The following NIM1K variants were observed in gnomAD, a reference collection of about 807,000 sequenced individuals.
NIM1K encodes the protein serine/threonine-protein kinase NIM1.
Under a neutral mutation model 37.1 loss-of-function variants are expected in NIM1K, and 35 were observed. That is an observed-to-expected ratio of 0.94 (90% CI 0.72 to 1.25). The LOEUF is 1.25. Among genes scored for constraint, NIM1K ranks in the 50% most tolerant of loss-of-function variants. The probability of loss-of-function intolerance (pLI) is 0.00; values close to 1 mark genes in which losing one functional copy is unlikely to be tolerated. For synonymous variants in NIM1K, 234 were observed against 206.6 expected, an observed-to-expected ratio of 1.13 and a Z score of -1.14; for missense variants, 564 against 548.0, an observed-to-expected ratio of 1.03 and a Z score of -0.29.
intron 2 of NIM1K, among the ~76,000 whole-genome samples, chr5:43,260,613 A>G (rs1579985139): frequency 6.6e-6 from 1 of 151,822 alleles, no homozygotes; most frequent in African/African-American, 2.4e-5. Context: ...GAGAGCACAG[A>G]TTTTTTTATT....
chr5:43,228,975 T>C (rs1373331567), intron 1 of NIM1K, among the ~76,000 whole-genome samples: 1 of 152,232 alleles, frequency 6.6e-6, no homozygotes, highest in Non-Finnish European at 1.5e-5. Context: ...AAAATATAGA[T>C]GATACTGTTT....
intron 2 of NIM1K, among the ~76,000 whole-genome samples, chr5:43,261,660 T>C (rs1753032729): frequency 6.6e-6 from 1 of 152,074 alleles, no homozygotes. Flanking sequence ...TTGCTTTTGG[T>C]GTTTTAGACA....
intron 1 of NIM1K, among the ~76,000 whole-genome samples, chr5:43,237,668 A>G (rs1422286262): frequency 6.6e-6 from 1 of 152,194 alleles, no homozygotes; most frequent in Non-Finnish European, 1.5e-5. Context: ...CAGAACTCCT[A>G]TTTCTAGATT....
chr5:43,199,204 AATAT>A (rs1162677436), intron 1 of NIM1K, among the ~76,000 whole-genome samples: 13 of 94,044 alleles, frequency 1.4e-4, no homozygotes, highest in African/African-American at 4.7e-4. Context: ...AAAAAAAAAA[AATAT>A]ATATATATAT....
chr5:43,277,352 T>C (rs1753360680), intron 3 of NIM1K, 27 bp downstream of exon 3: 1 of 1,601,082 alleles, frequency 6.2e-7, no homozygotes, highest in African/African-American at 1.3e-5. Context: ...AGTGAGAACC[T>C]TGCTCCCATT....
chr5:43,267,169 C>A, intron 2 of NIM1K, among the ~76,000 whole-genome samples: 1 of 152,252 alleles, frequency 6.6e-6, no homozygotes, highest in African/African-American at 2.4e-5. Flanking sequence ...ATTTCTATTT[C>A]TTCCTGATTT....
At chr5:43,224,481 T>A (rs368163411) in intron 1 of NIM1K, among the ~76,000 whole-genome samples, 48 of 151,808 alleles carry the variant, frequency 3.2e-4, no homozygotes, top group Middle Eastern at 6.8e-3. Flanking sequence ...TGTGGAACTA[T>A]AAGGTCTGTT....
chr5:43,196,589 C>T (rs1359355142), intron 1 of NIM1K, among the ~76,000 whole-genome samples: 20 of 151,886 alleles, frequency 1.3e-4, no homozygotes. Flanking sequence ...GAGCCGAGAT[C>T]GCGCCACTGC....
At chr5:43,220,850 T>A (rs1752370852) in intron 1 of NIM1K, among the ~76,000 whole-genome samples, 1 of 152,190 alleles carries the variant, frequency 6.6e-6, no homozygotes, top group African/African-American at 2.4e-5. Context: ...TTAAGTGCTT[T>A]GAAGAAGCCG....
At chr5:43,213,817 A>G (rs991455742) in intron 1 of NIM1K, among the ~76,000 whole-genome samples, 2 of 150,286 alleles carry the variant, frequency 1.3e-5, no homozygotes, top group Non-Finnish European at 3.0e-5. Context: ...TCTAGAAGAG[A>G]TGGGTTTCAC....
At chr5:43,220,356 G>A (rs971537562) in intron 1 of NIM1K, among the ~76,000 whole-genome samples, 2 of 144,792 alleles carry the variant, frequency 1.4e-5, no homozygotes, top group Admixed American at 1.4e-4. Flanking sequence ...CACCATCTCA[G>A]CACACTGCAA....
rs1561074968 is a variant in NIM1K at position 43,213,253 on chromosome 5, G to GT, written c.-695+20844dup. ...TCTTTTCTTCCTTTCTTTCTTTCTT[G>GT]TTCTTTCTTGTTTCTTTTTCTTTCT... On this transcript the variant is annotated intron_variant, in intron 1 of 3. Coordinates refer to ENST00000326035, the MANE Select transcript of NIM1K (RefSeq NM_153361.4). 1.2e-4 allele frequency among the ~76,000 whole-genome samples: 17 copies of GT among 140,524 alleles called. 2 individuals are homozygous for GT. The highest frequency in any genetic ancestry group is 4.4e-4 in the African/African-American group (16 of 35,958). The allele number at this position is 140,524 out of a possible 152,430, so 92.2% of individuals were successfully genotyped here. A position where few individuals can be genotyped will look rare whatever the true frequency, so the allele number is the denominator to read the frequency against.
At chr5:43,258,757 T>C (rs116142545) in intron 2 of NIM1K, among the ~76,000 whole-genome samples, 355 of 152,254 alleles carry the variant, frequency 2.3e-3, no homozygotes, top group African/African-American at 8.3e-3. Context: ...TGCATTTTTA[T>C]TGGGGACATT....
chr5:43,229,267 C>T (rs184822504), intron 1 of NIM1K, among the ~76,000 whole-genome samples: 94 of 151,200 alleles, frequency 6.2e-4, no homozygotes, highest in Admixed American at 1.7e-3. Context: ...AGCCTGTAAT[C>T]GCAGGTACGC....
At chr5:43,215,564 G>A (rs1319796617) in intron 1 of NIM1K, among the ~76,000 whole-genome samples, 2 of 152,212 alleles carry the variant, frequency 1.3e-5, no homozygotes, top group Admixed American at 1.3e-4. Context: ...ATCCTGAGTA[G>A]CTGGAATCAT....
intron 1 of NIM1K, among the ~76,000 whole-genome samples, chr5:43,228,452 T>G (rs1752491648): frequency 6.6e-6 from 1 of 151,830 alleles, no homozygotes; most frequent in Non-Finnish European, 1.5e-5. Context: ...GGCCGAGACC[T>G]GTTTTATTGT....
intron 1 of NIM1K, among the ~76,000 whole-genome samples, chr5:43,215,582 C>T (rs1454060354): frequency 6.6e-6 from 1 of 152,178 alleles, no homozygotes; most frequent in Admixed American, 6.5e-5. Flanking sequence ...CATAGGCGTG[C>T]GCCACCACGC....
At chr5:43,266,907 GTTTTC>G (rs1485890919) in intron 2 of NIM1K, among the ~76,000 whole-genome samples, 3 of 152,152 alleles carry the variant, frequency 2.0e-5, no homozygotes, top group Non-Finnish European at 4.4e-5. Context: ...TTGATCTGTA[GTTTTC>G]TTTTTTGTTA....
intron 2 of NIM1K, among the ~76,000 whole-genome samples, chr5:43,263,712 T>A (rs1024836902): frequency 1.3e-5 from 2 of 152,222 alleles, no homozygotes; most frequent in South Asian, 4.1e-4. Flanking sequence ...ATTGTGATGT[T>A]AGGGTGTCAA....
Sources: allele counts gnomAD v4.1 joint callset (sites outside exome capture counted in the v4.1 genomes callset), GRCh38; gene constraint gnomAD v4.1.1; transcripts MANE v1.5; gene names NCBI Gene and HGNC (gene_info 2026-07-23, HGNC 2026-07-21).